The following SF3A3 variants were observed in gnomAD, a reference collection of about 807,000 sequenced individuals.
SF3A3 encodes the protein SAP 61.
A neutral mutation model predicts 85.8 loss-of-function variants in SF3A3; 9 were observed. The observed-to-expected ratio is 0.10, with a 90% CI of 0.06 to 0.18. SF3A3 has a LOEUF of 0.18. Among genes scored for constraint, SF3A3 ranks in the 10% least tolerant of loss-of-function variants. SF3A3 has a pLI of 1.00. For synonymous variants in SF3A3, 195 were observed against 204.4 expected (o/e 0.95, Z 0.39); for missense variants, 306 against 593.3 (o/e 0.52, Z 5.03).
chr1:37,984,211 G>A lies in SF3A3; in HGVS notation c.426C>T (p.Leu142=), dbSNP rs1306945192. Residue 142 remains leucine (L), a synonymous_variant, in exon 6 of 17, where the codon CTC becomes CTT. Coordinates refer to ENST00000373019, the MANE Select transcript of SF3A3 (RefSeq NM_006802.4). ...TAATGTACTTGAGGTAACAGTCATG[G>A]AGATCGAGATAACGACCATATCCCT... ...DEEGYGRYLD[L]HDCYLKYINL... 14 of 1,609,978 alleles carry A rather than the reference G, an allele frequency of 8.7e-6. No homozygotes were observed. The highest frequency in any genetic ancestry group is 1.2e-5 in the Non-Finnish European group (14 of 1,177,158).
At chr1:37,988,268 T>A (rs1022138256) in intron 2 of SF3A3, among the ~76,000 whole-genome samples, 1 of 152,366 alleles carries the variant, frequency 6.6e-6, no homozygotes, top group East Asian at 1.9e-4. Flanking sequence ...TACATAGGCT[T>A]CCTTTGTAGT....
intron 15 of SF3A3, among the ~76,000 whole-genome samples, chr1:37,965,259 A>T (rs1347298981): frequency 2.2e-5 from 3 of 134,040 alleles, no homozygotes; most frequent in Non-Finnish European, 3.1e-5. Context: ...TCAGCCCAGG[A>T]GTTTGAGACC....
At chr1:37,966,104 G>A (rs137967736) in intron 15 of SF3A3, among the ~76,000 whole-genome samples, 5,016 of 152,158 alleles carry the variant, frequency 0.033, 265 homozygotes, top group African/African-American at 0.11. Flanking sequence ...TCGGGAGGCT[G>A]AGGCAGGAGA....
intron 6 of SF3A3, among the ~76,000 whole-genome samples, chr1:37,982,406 T>C (rs2148723262): frequency 6.6e-6 from 1 of 152,198 alleles, no homozygotes; most frequent in African/African-American, 2.4e-5. Context: ...GTTTGGCTCT[T>C]GTTGCCCAGG....
At position 37,978,631 on chromosome 1, in the gene SF3A3, C is replaced by A. The variant is rs979599769; in HGVS notation, c.935+89G>T. The A allele has an allele frequency of 4.1e-5, 30 of 735,422 alleles. 1 individual carries two copies. In the African/African-American group the frequency reaches 4.1e-4, roughly 10 times the overall value. The allele number at this position is 735,422 out of a possible 1,614,324, so 45.6% of individuals were successfully genotyped here. A position where few individuals can be genotyped will look rare whatever the true frequency, so the allele number is the denominator to read the frequency against. ...CTGTCAACCAATAACGGAGATAAAG[C>A]AGGCTTTAAAGTCTCCACTGTGGTT... On this transcript the variant is annotated intron_variant, in intron 11 of 16. Coordinates refer to ENST00000373019, the MANE Select transcript of SF3A3 (RefSeq NM_006802.4).
intron 2 of SF3A3, 36 bp downstream of exon 2, chr1:37,989,512 G>T: frequency 6.2e-7 from 1 of 1,605,440 alleles, no homozygotes; most frequent in Non-Finnish European, 8.5e-7. Context: ...TCCCGCCCTC[G>T]CCAACCCAAA....
At chr1:37,987,094 T>C (rs1311556065) in intron 4 of SF3A3, among the ~76,000 whole-genome samples, 1 of 152,094 alleles carries the variant, frequency 6.6e-6, no homozygotes, top group Non-Finnish European at 1.5e-5. Context: ...CTTCTTTTTT[T>C]TGAGACAAAG....
At chr1:37,976,038 C>T (rs1003910166) in intron 12 of SF3A3, among the ~76,000 whole-genome samples, 3 of 152,080 alleles carry the variant, frequency 2.0e-5, no homozygotes, top group Non-Finnish European at 4.4e-5. Flanking sequence ...TGCCTGTAGT[C>T]CCAGCTAGTC....
intron 15 of SF3A3, among the ~76,000 whole-genome samples, chr1:37,965,258 G>C (rs947180776): frequency 7.2e-6 from 1 of 138,356 alleles, no homozygotes; most frequent in Admixed American, 7.9e-5. Flanking sequence ...TTCAGCCCAG[G>C]AGTTTGAGAC....
chr1:37,978,085 C>T (rs926603856), intron 11 of SF3A3, among the ~76,000 whole-genome samples: 1 of 151,676 alleles, frequency 6.6e-6, no homozygotes, highest in East Asian at 1.9e-4. Context: ...CGCCTATAAT[C>T]GCAGCACTTT....
intron 11 of SF3A3, 94 bp downstream of exon 11, chr1:37,978,626 T>C (rs1557752840): frequency 5.6e-6 from 4 of 715,470 alleles, no homozygotes; most frequent in East Asian, 5.4e-5. Flanking sequence ...ATAACGGAGA[T>C]AAAGCAGGCT....
chr1:37,967,942 C>CCTA (rs1646314367), intron 15 of SF3A3, 102 bp downstream of exon 15: 2 of 725,850 alleles, frequency 2.8e-6, no homozygotes, highest in Admixed American at 2.0e-5. Context: ...ATATCCACAA[C>CCTA]CTACTGCCTT....
chr1:37,967,845 C>T (rs1313321097), intron 15 of SF3A3, among the ~76,000 whole-genome samples, 199 bp downstream of exon 15: 2 of 151,808 alleles, frequency 1.3e-5, no homozygotes, highest in African/African-American at 2.4e-5. Flanking sequence ...GGCGACAGAG[C>T]GAGACTCCAT....
intron 16 of SF3A3, 67 bp from the exon 17 acceptor site, chr1:37,958,330 A>C: frequency 2.7e-6 from 3 of 1,093,442 alleles, no homozygotes; most frequent in Non-Finnish European, 4.3e-6. Context: ...CCAATCTCTA[A>C]GTACCTGAGC....
intron 12 of SF3A3, among the ~76,000 whole-genome samples, chr1:37,974,086 T>A (rs187743798): frequency 1.3e-5 from 2 of 151,908 alleles, no homozygotes; most frequent in African/African-American, 4.8e-5. Flanking sequence ...TGTTGTGGGG[T>A]TGGAGGACGG....
chr1:37,968,420 A>G (rs902018814), intron 14 of SF3A3, among the ~76,000 whole-genome samples: 2 of 152,220 alleles, frequency 1.3e-5, no homozygotes, highest in Non-Finnish European at 2.9e-5. Context: ...ACAGAAAAAC[A>G]TCACAACTCT....
At position 37,969,664 on chromosome 1, in the gene SF3A3, CTCT is replaced by C. The variant is rs774698285; in HGVS notation, c.1074_1076del (p.Glu362del). Reference sequence around the variant, plus strand: ...CACTCTCACTGATCTGCTCTTCTTCCTCTTCTTCTCGCTCTTCTCCTGTCCTGG... The same window carrying C: ...CACTCTCACTGATCTGCTCTTCTTCCTCTTCTCGCTCTTCTCCTGTCCTGG... On this transcript the variant is annotated inframe_deletion, in exon 13 of 17. Transcript: ENST00000373019. 7.4e-6 allele frequency: 12 copies of C among 1,613,942 alleles called. No individual in the cohort carries two copies. The highest frequency in any genetic ancestry group is 1.0e-5 in the Non-Finnish European group (12 of 1,179,910).
chr1:37,968,176 T>G, intron 14 of SF3A3, 42 bp from the exon 15 acceptor site: 1 of 1,220,328 alleles, frequency 8.2e-7, no homozygotes, highest in Non-Finnish European at 1.2e-6. Flanking sequence ...GAAATGGGAA[T>G]AGCTGAACAC....
At chr1:37,988,429 T>A (rs1278044061) in intron 2 of SF3A3, among the ~76,000 whole-genome samples, 1 of 152,198 alleles carries the variant, frequency 6.6e-6, no homozygotes, top group Non-Finnish European at 1.5e-5. Flanking sequence ...CACACAGTTC[T>A]GCAGTAAACC....
Sources: allele counts gnomAD v4.1 joint callset (sites outside exome capture counted in the v4.1 genomes callset), GRCh38; gene constraint gnomAD v4.1.1; transcripts MANE v1.5; gene names NCBI Gene and HGNC (gene_info 2026-07-23, HGNC 2026-07-21).